Variants in CDR2 observed in about 807,000 individuals in gnomAD.
CDR2 encodes cerebellar degeneration related protein 2, also known as cerebellar degeneration-related protein 2.
In CDR2, 34 loss-of-function variants were observed where a neutral mutation model predicts 48.4. The observed-to-expected ratio is 0.70, with a 90% CI of 0.53 to 0.94. The LOEUF is 0.94. CDR2 is among the 40% of genes least tolerant of loss of function. The pLI, the probability that CDR2 is intolerant of heterozygous loss-of-function variation, is 0.00. For synonymous variants in CDR2, 240 were observed against 219.7 expected, an observed-to-expected ratio of 1.09 and a Z score of -0.82; for missense variants, 498 against 549.5, an observed-to-expected ratio of 0.91 and a Z score of 0.94.
chr16:22,352,721 T>C (rs2048950389), intron 2 of CDR2, among the ~76,000 whole-genome samples: 1 of 152,144 alleles, frequency 6.6e-6, no homozygotes, highest in Admixed American at 6.5e-5. Flanking sequence ...GCTTTTTGAG[T>C]TCGGAATTAG....
intron 2 of CDR2, among the ~76,000 whole-genome samples, chr16:22,351,384 T>C (rs2048940988): frequency 6.6e-6 from 1 of 152,198 alleles, no homozygotes; most frequent in Non-Finnish European, 1.5e-5. Flanking sequence ...TACCCAGTAA[T>C]GGGACTGCTG....
chr16:22,354,454 G>C lies in CDR2; in HGVS notation c.193-4605C>G, dbSNP rs552257368. On this transcript the variant is annotated intron_variant, in intron 2 of 4. Transcript: ENST00000268383. ...TTCATCATCATAACGCTTCACTTTG[G>C]TATGTTCTTAACAATCATTAATTCC... 1.2e-4 allele frequency among the ~76,000 whole-genome samples: 19 copies of C among 152,248 alleles called. No homozygotes were observed. The South Asian group carries it at 3.9e-3, about 32-fold the overall frequency.
At chr16:22,347,879 A>G in intron 4 of CDR2, 56 bp from the exon 5 acceptor site, 1 of 1,460,184 alleles carries the variant, frequency 6.8e-7, no homozygotes, top group Non-Finnish European at 9.2e-7. Flanking sequence ...AAATGACGAG[A>G]GGAAGACTGG....
In CDR2 at chr16:22,349,308, T is replaced by C. The variant is rs769247019; in HGVS notation, c.477A>G (p.Ala159=). The C allele has an allele frequency of 6.8e-6, 11 of 1,614,030 alleles. No homozygotes were observed. Among genetic ancestry groups the C allele is most frequent in the South Asian group, 3.3e-5 (3 of 91,084 alleles). Residue 159 remains alanine, a synonymous_variant, in exon 4 of 5, where the codon GCA becomes GCG. Transcript: ENST00000268383. ...CDQEKPAPSF[A]CLKELYDLRQ... ...GGAGGTCATACAGCTCCTTCAGACA[T>C]GCAAAGCTGGGTGCCGGTTTCTCCT... is the stretch of plus-strand genomic sequence containing the variant.
chr16:22,354,245 T>A (rs1477581803), intron 2 of CDR2, among the ~76,000 whole-genome samples: 2 of 152,160 alleles, frequency 1.3e-5, no homozygotes, highest in Non-Finnish European at 2.9e-5. Context: ...ATCTTGGACA[T>A]GGAAAATCCT....
intron 1 of CDR2, chr16:22,368,884 A>G (rs977671021): frequency 2.0e-5 from 3 of 152,218 alleles, no homozygotes; most frequent in Non-Finnish European, 4.4e-5. Flanking sequence ...AAGCACATAC[A>G]ACCCCAGGCA....
At chr16:22,353,562 G>C (rs558695091) in intron 2 of CDR2, among the ~76,000 whole-genome samples, 2 of 152,266 alleles carry the variant, frequency 1.3e-5, no homozygotes, top group African/African-American at 2.4e-5. Flanking sequence ...GGAGAACAAA[G>C]GTTAACCACT....
intron 2 of CDR2, among the ~76,000 whole-genome samples, chr16:22,354,018 T>A (rs1332405764): frequency 6.6e-6 from 1 of 152,226 alleles, no homozygotes; most frequent in Admixed American, 6.5e-5. Flanking sequence ...AATTGCTCAA[T>A]AAGGAGAAGC....
In CDR2 at chr16:22,346,823, G is replaced by C; in HGVS notation, c.*142C>G. On this transcript the variant is annotated 3_prime_UTR_variant, in exon 5 of 5. Coordinates refer to ENST00000268383, the MANE Select transcript of CDR2 (RefSeq NM_001802.2). The stretch of plus-strand genomic sequence containing the variant: ...ATACCACTAGCCACCTCCTTTCCTC[G>C]TTGTATGCATTTGCTAAATAAGCAA... 2.3e-6 allele frequency: 2 copies of C among 887,410 alleles called. No homozygotes were observed. Among genetic ancestry groups the C allele is most frequent in the Non-Finnish European group, 3.5e-6 (2 of 566,076 alleles). 55.0% of individuals were successfully genotyped at this position (887,410 alleles called of 1,614,324 possible).
At chr16:22,371,762 CAG>C (rs563768283) in intron 1 of CDR2, among the ~76,000 whole-genome samples, 79 of 152,208 alleles carry the variant, frequency 5.2e-4, no homozygotes, top group Non-Finnish European at 9.9e-4. Flanking sequence ...GGTTATGACA[CAG>C]AGGGTTAAGT....
Position 22,364,897 on chromosome 16 carries a change from A to ATTAC in CDR2, c.192+1_192+4dup. The ATTAC allele has an allele frequency of 6.5e-7, 1 of 1,545,644 alleles. No individual in the cohort carries two copies. The highest frequency in any genetic ancestry group is 8.9e-7 in the Non-Finnish European group (1 of 1,117,794). The stretch of plus-strand genomic sequence containing the variant: ...AAAGTGTAACTCTCCTGCCAAGTGA[A>ATTAC]TTACCTCAATTTCCTGTAACTGCTC... On this transcript the variant is annotated splice_donor_region_variant and intron_variant, in intron 2 of 4. Coordinates refer to ENST00000268383, the MANE Select transcript of CDR2 (RefSeq NM_001802.2).
intron 4 of CDR2, among the ~76,000 whole-genome samples, chr16:22,348,392 T>C (rs1356495156): frequency 6.6e-6 from 1 of 152,184 alleles, no homozygotes; most frequent in Non-Finnish European, 1.5e-5. Flanking sequence ...AGTATGACAA[T>C]GACCTCACAA....
At chr16:22,358,985 G>A (rs1308175164) in intron 2 of CDR2, among the ~76,000 whole-genome samples, 2 of 152,130 alleles carry the variant, frequency 1.3e-5, no homozygotes, top group African/African-American at 4.8e-5. Flanking sequence ...ACAAAGAAAT[G>A]ATAAATGTTG....
chr16:22,371,489 T>C (rs1012939377), intron 1 of CDR2, among the ~76,000 whole-genome samples: 3 of 152,118 alleles, frequency 2.0e-5, no homozygotes, highest in African/African-American at 7.2e-5. Flanking sequence ...TCTATGGGAG[T>C]AGGAATCCTA....
chr16:22,347,574 G>A lies in CDR2; in HGVS notation c.756C>T (p.Ala252=), dbSNP rs763408452. ...ACATCTGTCGCATCTCTGCCACCTC[G>A]GCCTCTAGTTCCAGCGCCCGTGCTC... The part of the protein sequence containing the change: ...AYRARALELE[A]EVAEMRQMLQ... The change falls in exon 5 of 5, where the codon GCC becomes GCT. Residue 252 remains alanine (A), a synonymous_variant. Transcript: ENST00000268383. The A allele has an allele frequency of 8.7e-6, 14 of 1,613,946 alleles. No homozygotes were observed. The East Asian group carries it at 8.9e-5, about 10-fold the overall frequency.
intron 2 of CDR2, among the ~76,000 whole-genome samples, chr16:22,360,390 A>C (rs1032121772): frequency 1.3e-5 from 2 of 152,188 alleles, no homozygotes; most frequent in African/African-American, 4.8e-5. Flanking sequence ...ATAAAAGGAA[A>C]TTTTTGTTTT....
intron 1 of CDR2, among the ~76,000 whole-genome samples, chr16:22,371,209 C>CAAAAAA (rs895202260): frequency 8.5e-6 from 1 of 117,188 alleles, no homozygotes; most frequent in African/African-American, 3.2e-5. Flanking sequence ...GACTCCACCT[C>CAAAAAA]AAAAAAAAAA....
chr16:22,362,765 T>C (rs1410844226), intron 2 of CDR2, among the ~76,000 whole-genome samples: 1 of 152,232 alleles, frequency 6.6e-6, no homozygotes, highest in East Asian at 1.9e-4. Flanking sequence ...GTTTTGTTTT[T>C]AGACTAGAGA....
intron 1 of CDR2, among the ~76,000 whole-genome samples, chr16:22,366,719 G>A (rs1345106585): frequency 6.6e-6 from 1 of 152,146 alleles, no homozygotes; most frequent in African/African-American, 2.4e-5. Flanking sequence ...AAGAGGTCAA[G>A]AGTTTGGCCT....
Sources: allele counts gnomAD v4.1 joint callset (sites outside exome capture counted in the v4.1 genomes callset), GRCh38; gene constraint gnomAD v4.1.1; transcripts MANE v1.5; gene names NCBI Gene and HGNC (gene_info 2026-07-23, HGNC 2026-07-21).